LDLRAD3: variants seen among roughly 807,000 people sequenced by gnomAD.
LDLRAD3 encodes the protein low density lipoprotein receptor class A domain containing 3.
Under a neutral mutation model 29.4 loss-of-function variants are expected in LDLRAD3, and 20 were observed. The observed-to-expected ratio is 0.68, with a 90% confidence interval of 0.48 to 0.99. The LOEUF (loss-of-function observed/expected upper bound fraction) is 0.99, where lower values mean the gene tolerates loss of function less well. LDLRAD3 is among the 50% of genes least tolerant of loss of function. The probability of loss-of-function intolerance (pLI) is 0.00; values close to 1 mark genes in which losing one functional copy is unlikely to be tolerated. For missense variants in LDLRAD3, 420 were observed against 454.3 expected, an observed-to-expected ratio of 0.92 and a Z score of 0.69; for synonymous variants, 157 against 192.7, an observed-to-expected ratio of 0.81 and a Z score of 1.53.
chr11:36,144,623 G>C (rs1182965910), intron 4 of LDLRAD3, among the ~76,000 whole-genome samples: 2 of 132,672 alleles, frequency 1.5e-5, no homozygotes, highest in South Asian at 2.7e-4. Context: ...CAACTGCCCC[G>C]TCTGAGAAGT....
At chr11:36,158,566 C>T (rs1396530603) in intron 4 of LDLRAD3, among the ~76,000 whole-genome samples, 1 of 129,826 alleles carries the variant, frequency 7.7e-6, no homozygotes, top group Non-Finnish European at 1.6e-5. Context: ...ATTATCTTCT[C>T]CCAAACAATA....
At chr11:36,018,976 C>G (rs1852057358) in intron 1 of LDLRAD3, among the ~76,000 whole-genome samples, 1 of 151,826 alleles carries the variant, frequency 6.6e-6, no homozygotes, top group Non-Finnish European at 1.5e-5. Context: ...TTAAAACACA[C>G]ATTTAGAAAA....
intron 4 of LDLRAD3, among the ~76,000 whole-genome samples, chr11:36,106,731 C>T (rs1853534249): frequency 6.6e-6 from 1 of 152,232 alleles, no homozygotes; most frequent in Admixed American, 6.5e-5. Flanking sequence ...TCCCTTCACA[C>T]GCTCCACCTA....
chr11:36,052,996 T>G (rs2133224957), intron 2 of LDLRAD3, among the ~76,000 whole-genome samples: 1 of 151,018 alleles, frequency 6.6e-6, no homozygotes, highest in African/African-American at 2.4e-5. Flanking sequence ...AACTCTGCAG[T>G]GAGGAGTAGG....
chr11:36,169,333 A>G (rs1402259127), intron 4 of LDLRAD3, among the ~76,000 whole-genome samples: 1 of 152,158 alleles, frequency 6.6e-6, no homozygotes, highest in Non-Finnish European at 1.5e-5. Flanking sequence ...TTTGAAATAT[A>G]TAATTATTGT....
At chr11:35,950,223 T>C (rs1335592604) in intron 1 of LDLRAD3, among the ~76,000 whole-genome samples, 2 of 152,176 alleles carry the variant, frequency 1.3e-5, no homozygotes, top group African/African-American at 4.8e-5. Flanking sequence ...CTGATGGATC[T>C]TGGACCTTGA....
At chr11:36,117,060 C>G (rs773396734) in intron 4 of LDLRAD3, among the ~76,000 whole-genome samples, 4 of 152,032 alleles carry the variant, frequency 2.6e-5, no homozygotes, top group Non-Finnish European at 4.4e-5. Context: ...AGGCTGGTCT[C>G]GAACTCCTGA....
chr11:36,170,324 A>ATATATG lies in LDLRAD3; in HGVS notation c.455-56758_455-56753dup, dbSNP rs553513849. ...TATATACATATATACGTATATATGT[A>ATATATG]TATATGTACGTATATACGTATATAT... On this transcript the variant is annotated intron_variant, in intron 4 of 5. Coordinates refer to ENST00000315571, the MANE Select transcript of LDLRAD3 (RefSeq NM_174902.4). Among the ~76,000 whole-genome samples, 432 of 149,096 alleles carry ATATATG rather than the reference A, an allele frequency of 2.9e-3. 3 individuals carry two copies. Among genetic ancestry groups the ATATATG allele is most frequent in the African/African-American group, 0.01 (415 of 40,932 alleles).
At chr11:36,020,182 C>T (rs1852077766) in intron 1 of LDLRAD3, among the ~76,000 whole-genome samples, 1 of 152,174 alleles carries the variant, frequency 6.6e-6, no homozygotes, top group African/African-American at 2.4e-5. Flanking sequence ...TACTGGTTTA[C>T]ACTCAAGCTA....
At chr11:36,021,823 C>T (rs780104988) in intron 1 of LDLRAD3, among the ~76,000 whole-genome samples, 11 of 151,970 alleles carry the variant, frequency 7.2e-5, no homozygotes, top group Non-Finnish European at 1.5e-4. Context: ...TTAATTCTTT[C>T]TTTTTTTGGT....
intron 4 of LDLRAD3, among the ~76,000 whole-genome samples, chr11:36,153,530 G>A (rs1590314169): frequency 6.6e-6 from 1 of 152,140 alleles, no homozygotes. Context: ...GCTTGTCTCT[G>A]GATTACCTTG....
intron 4 of LDLRAD3, among the ~76,000 whole-genome samples, chr11:36,143,241 G>A (rs557537188): frequency 1.3e-5 from 2 of 152,266 alleles, no homozygotes; most frequent in South Asian, 2.1e-4. Flanking sequence ...GGCACAACGC[G>A]CTGTCTCCGG....
At chr11:36,049,035 G>A (rs1852491815) in intron 2 of LDLRAD3, among the ~76,000 whole-genome samples, 1 of 152,126 alleles carries the variant, frequency 6.6e-6, no homozygotes, top group Admixed American at 6.6e-5. Context: ...ACTCTGAGCT[G>A]GGGGGCAAGG....
At chr11:36,165,590 T>C (rs1472819906) in intron 4 of LDLRAD3, among the ~76,000 whole-genome samples, 2 of 152,206 alleles carry the variant, frequency 1.3e-5, no homozygotes, top group African/African-American at 2.4e-5. Context: ...TGGTATCTAA[T>C]TGCAGCTCCC....
intron 4 of LDLRAD3, among the ~76,000 whole-genome samples, chr11:36,157,129 A>G (rs1030514283): frequency 3.3e-5 from 5 of 152,208 alleles, no homozygotes; most frequent in Non-Finnish European, 7.3e-5. Flanking sequence ...CTCCTGCTGG[A>G]AAGAGAGGAC....
intron 1 of LDLRAD3, among the ~76,000 whole-genome samples, chr11:36,024,999 T>C (rs973883017): frequency 6.6e-6 from 1 of 152,216 alleles, no homozygotes; most frequent in African/African-American, 2.4e-5. Context: ...GAGATAACAT[T>C]TATTTTTTCC....
intron 3 of LDLRAD3, among the ~76,000 whole-genome samples, chr11:36,090,041 G>A (rs1212648435): frequency 6.6e-6 from 1 of 152,056 alleles, no homozygotes; most frequent in Non-Finnish European, 1.5e-5. Flanking sequence ...TTATAGATGA[G>A]GACATTGAGG....
intron 4 of LDLRAD3, among the ~76,000 whole-genome samples, chr11:36,175,487 C>G (rs1297984911): frequency 6.6e-6 from 1 of 151,904 alleles, no homozygotes; most frequent in Admixed American, 6.6e-5. Flanking sequence ...TCGTTGTATC[C>G]CAGAGTTTTT....
intron 2 of LDLRAD3, among the ~76,000 whole-genome samples, chr11:36,059,429 A>G (rs1270335554): frequency 2.0e-5 from 3 of 151,728 alleles, no homozygotes; most frequent in African/African-American, 7.3e-5. Context: ...TCTGAACTCA[A>G]ACTCCTTAGC....
Sources: allele counts gnomAD v4.1 joint callset (sites outside exome capture counted in the v4.1 genomes callset), GRCh38; gene constraint gnomAD v4.1.1; transcripts MANE v1.5; gene names NCBI Gene and HGNC (gene_info 2026-07-23, HGNC 2026-07-21).